Variants in DPYSL4 observed in about 807,000 individuals in gnomAD.
The protein encoded by DPYSL4 is dihydropyrimidinase-related protein 4.
DPYSL4 carries 43 observed loss-of-function variants against 63.4 expected under a neutral mutation model. That is an observed-to-expected ratio of 0.68 (90% CI 0.53 to 0.88). The LOEUF is 0.88. DPYSL4 is among the 40% of genes least tolerant of loss of function. The pLI, the probability that DPYSL4 is intolerant of heterozygous loss-of-function variation, is 0.00. For missense variants in DPYSL4, 733 were observed against 819.5 expected (o/e 0.89, Z 1.29); for synonymous variants, 353 against 331.7 (o/e 1.06, Z -0.70).
At chr10:132,197,239 G>A (rs1565042589) in intron 6 of DPYSL4, 138 bp downstream of exon 6, 3 of 772,672 alleles carry the variant, frequency 3.9e-6, no homozygotes, top group South Asian at 4.1e-5. Flanking sequence ...AAACCTTGAG[G>A]GAGGGTCATA....
chr10:132,193,955 C>T lies in DPYSL4; in HGVS notation c.314-890C>T, dbSNP rs571717029. Among the ~76,000 whole-genome samples the T allele has an allele frequency of 1.4e-4, 21 of 152,386 alleles. No individual in the cohort carries two copies. The South Asian group carries it at 1.4e-3, about 11-fold the overall frequency. The stretch of plus-strand genomic sequence containing the variant: ...GTCTGAGGAGACTGGCCACTGCTCG[C>T]GCCCTTCAGGGGGCGGCCCAAGCCG... On this transcript the variant is annotated intron_variant, in intron 3 of 13. Coordinates refer to ENST00000338492, the MANE Select transcript of DPYSL4 (RefSeq NM_006426.3).
In DPYSL4 at chr10:132,186,972, C is replaced by G; in HGVS notation, c.-92C>G. On this transcript the variant is annotated 5_prime_UTR_variant, in exon 1 of 14. Coordinates refer to ENST00000338492, the MANE Select transcript of DPYSL4 (RefSeq NM_006426.3). ...CGCAGTCTGTCTCCCGCCGTCCCCACGCACGCGTCCCGGCTCACGCGTCCC... is the reference window on the plus strand; with the variant it reads ...CGCAGTCTGTCTCCCGCCGTCCCCAGGCACGCGTCCCGGCTCACGCGTCCC... 1 of 604,016 alleles carries G rather than the reference C, an allele frequency of 1.7e-6. No individual in the cohort carries two copies. Among genetic ancestry groups the G allele is most frequent in the Non-Finnish European group, 2.6e-6 (1 of 387,766 alleles). 37.4% of individuals were successfully genotyped at this position (604,016 alleles called of 1,614,324 possible).
At chr10:132,204,028 G>A (rs1392858190) in intron 13 of DPYSL4, 101 bp downstream of exon 13, 16 of 1,428,670 alleles carry the variant, frequency 1.1e-5, no homozygotes, top group East Asian at 7.0e-5. Flanking sequence ...GGCTGCACAC[G>A]GAAGGCACCC....
At chr10:132,200,250 G>A in intron 8 of DPYSL4, 106 bp from the exon 9 acceptor site, 15 of 1,423,544 alleles carry the variant, frequency 1.1e-5, no homozygotes, top group Non-Finnish European at 1.4e-5. Flanking sequence ...AGCTGTCCCA[G>A]GCAAGGAAAG....
intron 12 of DPYSL4, 85 bp from the exon 13 acceptor site, chr10:132,203,655 CCAGCCCTCCAGCTGCCCATGCT>C: frequency 8.8e-7 from 1 of 1,130,650 alleles, no homozygotes; most frequent in Non-Finnish European, 1.3e-6. Flanking sequence ...CAGAGCAGGC[CCAGCCCTCCAGCTGCCCATGCT>C]CAGCCCCTCA....
In DPYSL4 at chr10:132,204,983, G is replaced by T. The variant is rs1169126154; in HGVS notation, c.*53G>T. 1 of 1,468,814 alleles carries T rather than the reference G, an allele frequency of 6.8e-7. No homozygotes were observed. The highest frequency in any genetic ancestry group is 1.3e-5 in the South Asian group (1 of 77,470). 91.0% of individuals were successfully genotyped at this position (1,468,814 alleles called of 1,614,324 possible). A position where few individuals can be genotyped will look rare whatever the true frequency, so the allele number is the denominator to read the frequency against. On this transcript the variant is annotated 3_prime_UTR_variant, in exon 14 of 14. Transcript: ENST00000338492. Reference sequence around the variant, plus strand: ...GCTGGCCCCACCCGAGGCCGCGGGGGCCCCAGGGCACTCGCCCCCCTCCTT... The same window carrying T: ...GCTGGCCCCACCCGAGGCCGCGGGGTCCCCAGGGCACTCGCCCCCCTCCTT...
intron 4 of DPYSL4, among the ~76,000 whole-genome samples, chr10:132,196,532 G>C (rs1367101754): frequency 6.6e-6 from 1 of 152,236 alleles, no homozygotes; most frequent in East Asian, 1.9e-4. Flanking sequence ...GAGAGCCCAG[G>C]CACAGCGGCT....
rs566072988 is a variant in DPYSL4, at chr10:132,199,541, C to T, written c.811+570C>T. 3.6e-4 allele frequency among the ~76,000 whole-genome samples: 55 copies of T among 152,214 alleles called. 1 individual carries two copies. The South Asian group carries it at 0.011, about 32-fold the overall frequency. ...GAGGGCCAAGGATCCAGGCACAGAA[C>T]CCAGGTGACGGGTAAATGAGGGGGC... is the stretch of plus-strand genomic sequence containing the variant. On this transcript the variant is annotated intron_variant, in intron 8 of 13. Transcript: ENST00000338492.
chr10:132,203,273 C>A (rs1297925697), intron 12 of DPYSL4, among the ~76,000 whole-genome samples: 1 of 90,854 alleles, frequency 1.1e-5, no homozygotes, highest in African/African-American at 4.3e-5. Context: ...GGAGCTCAGC[C>A]ACGGGAGCCC....
rs748785793 is a variant in DPYSL4 at position 132,194,958 on chromosome 10, C to T, written c.427C>T (p.Arg143Ter). The T allele has an allele frequency of 8.7e-6, 14 of 1,610,798 alleles. No individual in the cohort carries two copies. The African/African-American group carries it at 9.4e-5, about 11-fold the overall frequency. The change falls in exon 4 of 14, where the codon CGA becomes TGA. Residue 143 changes from arginine (R) to a stop codon, truncating the protein, a stop_gained. Coordinates refer to ENST00000338492, the MANE Select transcript of DPYSL4 (RefSeq NM_006426.3). LOFTEE classifies it high-confidence loss of function. ...CDYSLHVDIT[R>*]WHESIKEELE... ...CTACTCCCTGCACGTGGACATCACC[C>T]GATGGCATGAGAGCATCAAGGAGGA... is the stretch of plus-strand genomic sequence containing the variant.
In DPYSL4 at chr10:132,203,822, G is replaced by T; in HGVS notation, c.1522G>T (p.Val508Leu). Reference sequence around the variant, plus strand: ...TGACGGGCCCGTCCACGAGGTGATGGTGCCTGCCAAGCCAGGGAGTGGCGC... The same window carrying T: ...TGACGGGCCCGTCCACGAGGTGATGTTGCCTGCCAAGCCAGGGAGTGGCGC... ...LYDGPVHEVM[V>L]PAKPGSGAPA... Residue 508 changes from valine (V) to leucine (L), a missense_variant, in exon 13 of 14, where the codon GTG (valine) becomes TTG (leucine). By Grantham distance (32) the Val-to-Leu change is conservative. Coordinates refer to ENST00000338492, the MANE Select transcript of DPYSL4 (RefSeq NM_006426.3). 6.2e-7 allele frequency: 1 copy of T among 1,612,738 alleles called. No homozygotes were observed. The highest frequency in any genetic ancestry group is 8.5e-7 in the Non-Finnish European group (1 of 1,179,786).
chr10:132,198,424 C>G lies in DPYSL4; in HGVS notation c.631C>G (p.Arg211Gly). The G allele has an allele frequency of 6.2e-7, 1 of 1,606,106 alleles. No homozygotes were observed. Among genetic ancestry groups the G allele is most frequent in the Non-Finnish European group, 8.5e-7 (1 of 1,177,722 alleles). ...NGDIVEEEQK[R>G]LLELGITGPE... ...CTGTTGGTTTCTTTAGGAGCAGAAG[C>G]GGTTGCTGGAGCTCGGCATCACTGG... Residue 211 changes from arginine (R) to glycine (G), a missense_variant, in exon 7 of 14, where the codon CGG becomes GGG. Transcript: ENST00000338492.
intron 3 of DPYSL4, among the ~76,000 whole-genome samples, 168 bp from the exon 4 acceptor site, chr10:132,194,676 AC>A (rs1264956345): frequency 2.0e-5 from 3 of 152,026 alleles, no homozygotes; most frequent in African/African-American, 4.8e-5. Flanking sequence ...AAGCAATAGA[AC>A]GGGTTCGTGG....
intron 2 of DPYSL4, among the ~76,000 whole-genome samples, chr10:132,191,439 T>C (rs11146238): frequency 0.098 from 5,212 of 52,968 alleles, 224 homozygotes; most frequent in East Asian, 0.36. Flanking sequence ...ACGCTGGTCA[T>C]GTGGTATCCA....
chr10:132,190,855 G>T lies in DPYSL4; in HGVS notation c.128+20G>T. 1 of 1,610,462 alleles carries T rather than the reference G, an allele frequency of 6.2e-7. No homozygotes were observed. The highest frequency in any genetic ancestry group is 8.5e-7 in the Non-Finnish European group (1 of 1,177,670). ...GATAAAGTAAGTTTCCGCCGAAAAT[G>T]AAAATACGTTCCCAGCTCGTGTGTA... On this transcript the variant is annotated intron_variant, in intron 2 of 13. Transcript: ENST00000338492.
chr10:132,194,363 A>G (rs2061914311), intron 3 of DPYSL4, among the ~76,000 whole-genome samples: 2 of 152,252 alleles, frequency 1.3e-5, no homozygotes, highest in South Asian at 4.1e-4. Context: ...TGCAGGGGGC[A>G]GGATGGCCCC....
chr10:132,204,785 A>G, intron 13 of DPYSL4, 54 bp from the exon 14 acceptor site: 1 of 1,498,364 alleles, frequency 6.7e-7, no homozygotes, highest in African/African-American at 1.4e-5. Context: ...CCTTGAATAG[A>G]AGGGCCCCTG....
At position 132,191,694 on chromosome 10, in the gene DPYSL4, C is replaced by G. The variant is rs1360361101; in HGVS notation, c.128+859C>G. 6.1e-5 allele frequency among the ~76,000 whole-genome samples: 5 copies of G among 81,820 alleles called. 2 individuals carry two copies. The highest frequency in any genetic ancestry group is 1.3e-4 in the Non-Finnish European group (5 of 39,568). 53.7% of individuals were successfully genotyped at this position (81,820 alleles called of 152,430 possible). ...GGCAGGTGAAAGTATGTTCCCAGCT[C>G]GTGTGTACACGCTGGTCACGTGGTA... On this transcript the variant is annotated intron_variant, in intron 2 of 13. Transcript: ENST00000338492.
chr10:132,195,960 G>T (rs1431755468), intron 4 of DPYSL4, among the ~76,000 whole-genome samples: 1 of 152,216 alleles, frequency 6.6e-6, no homozygotes, highest in East Asian at 1.9e-4. Context: ...CTGTGCCCAC[G>T]GGGTAGTGTT....
Sources: gnomAD v4.1 joint callset for allele counts (sites outside exome capture counted in the v4.1 genomes callset) on GRCh38, gnomAD v4.1.1 for gene constraint, MANE v1.5 for transcripts, NCBI Gene and HGNC (gene_info 2026-07-23, HGNC 2026-07-21) for gene names.